MDGA2: variants seen among roughly 807,000 people sequenced by gnomAD.
MDGA2 encodes MAM domain containing glycosylphosphatidylinositol anchor 2.
A neutral mutation model predicts 117.8 loss-of-function variants in MDGA2; 40 were observed. The observed-to-expected ratio is 0.34, with a 90% confidence interval of 0.26 to 0.44. The LOEUF is 0.44. Among genes scored for constraint, MDGA2 ranks in the 20% least tolerant of loss-of-function variants. The pLI is 1.00. For synonymous variants in MDGA2, 452 were observed against 439.0 expected (o/e 1.03, Z -0.37); for missense variants, 1,123 against 1,250.6 (o/e 0.90, Z 1.54).
intron 1 of MDGA2, among the ~76,000 whole-genome samples, chr14:47,645,653 AT>A (rs1229842663): frequency 6.6e-6 from 1 of 152,112 alleles, no homozygotes; most frequent in Non-Finnish European, 1.5e-5. Flanking sequence ...ATTATTATAC[AT>A]TTTTTTAAGA....
At position 47,119,211 on chromosome 14, in the gene MDGA2, A is replaced by G. The variant is rs929344046; in HGVS notation, c.925+12503T>C. ...CCACCCCGTAGCTGGGACTACAGGCACCCGCCACCACACCCGGGTAATTTT... is the reference window on the plus strand; with the variant it reads ...CCACCCCGTAGCTGGGACTACAGGCGCCCGCCACCACACCCGGGTAATTTT... On this transcript the variant is annotated intron_variant, in intron 5 of 16. Transcript: ENST00000399232. Among the ~76,000 whole-genome samples, 99 of 91,346 alleles carry G rather than the reference A, an allele frequency of 1.1e-3. 2 individuals carry two copies. The highest frequency in any genetic ancestry group is 4.9e-3 in the Admixed American group (32 of 6,516). The allele number at this position is 91,346 out of a possible 152,430, so 59.9% of individuals were successfully genotyped here.
At chr14:47,596,284 T>C (rs1168151093) in intron 1 of MDGA2, among the ~76,000 whole-genome samples, 3 of 152,146 alleles carry the variant, frequency 2.0e-5, no homozygotes, top group African/African-American at 7.2e-5. Flanking sequence ...AGTCAAGAAG[T>C]AGGACTTTCA....
chr14:47,516,286 T>G (rs550127939), intron 1 of MDGA2, among the ~76,000 whole-genome samples: 10 of 152,100 alleles, frequency 6.6e-5, no homozygotes, highest in African/African-American at 2.4e-4. Context: ...TCATAAGGAG[T>G]GTTGTAAAAT....
intron 3 of MDGA2, among the ~76,000 whole-genome samples, chr14:47,183,386 A>G (rs1049929479): frequency 6.6e-6 from 1 of 152,044 alleles, no homozygotes; most frequent in African/African-American, 2.4e-5. Context: ...CATTCATCAC[A>G]TTATAGCGAG....
chr14:47,329,942 T>C (rs897302503), intron 1 of MDGA2, among the ~76,000 whole-genome samples: 2 of 151,928 alleles, frequency 1.3e-5, no homozygotes, highest in South Asian at 2.1e-4. Flanking sequence ...CCTCTATATT[T>C]AGAAAGAGAG....
chr14:46,882,768 A>G (rs1416770700), intron 10 of MDGA2, among the ~76,000 whole-genome samples: 3 of 151,864 alleles, frequency 2.0e-5, no homozygotes, highest in African/African-American at 7.2e-5. Flanking sequence ...AATCACAAGG[A>G]GATTGAAAGT....
chr14:47,620,715 T>A (rs1897033779), intron 1 of MDGA2, among the ~76,000 whole-genome samples: 1 of 152,152 alleles, frequency 6.6e-6, no homozygotes, highest in African/African-American at 2.4e-5. Context: ...AAATACAGTA[T>A]AAAGCTTTGA....
chr14:46,962,417 T>G (rs1210949582), intron 8 of MDGA2, among the ~76,000 whole-genome samples: 4 of 152,114 alleles, frequency 2.6e-5, no homozygotes, highest in African/African-American at 9.7e-5. Flanking sequence ...TGGGAGACAG[T>G]TCTACCAACA....
intron 1 of MDGA2, among the ~76,000 whole-genome samples, chr14:47,631,351 C>A (rs1454701665): frequency 6.6e-6 from 1 of 152,184 alleles, no homozygotes; most frequent in East Asian, 1.9e-4. Context: ...ATTTTTGAAT[C>A]TTCTCTTCCC....
chr14:47,545,953 C>A (rs970221543), intron 1 of MDGA2, among the ~76,000 whole-genome samples: 1 of 152,074 alleles, frequency 6.6e-6, no homozygotes, highest in African/African-American at 2.4e-5. Context: ...CAGTGCTGTG[C>A]TAAGCACTTT....
intron 1 of MDGA2, among the ~76,000 whole-genome samples, chr14:47,311,164 G>A (rs1358309797): frequency 6.6e-6 from 1 of 151,892 alleles, no homozygotes; most frequent in East Asian, 1.9e-4. Flanking sequence ...TAAAATTAAG[G>A]GCTCTTCAGT....
At chr14:47,353,652 A>T (rs1479767920) in intron 1 of MDGA2, among the ~76,000 whole-genome samples, 2 of 152,196 alleles carry the variant, frequency 1.3e-5, no homozygotes. Context: ...ACAACAACAA[A>T]AGAAACCGTA....
chr14:47,498,542 T>C (rs1243561107), intron 1 of MDGA2, among the ~76,000 whole-genome samples: 1 of 152,168 alleles, frequency 6.6e-6, no homozygotes, highest in African/African-American at 2.4e-5. Context: ...CCCATCATTA[T>C]AGGTACAAGA....
intron 1 of MDGA2, among the ~76,000 whole-genome samples, chr14:47,482,535 G>A (rs535758141): frequency 1.3e-5 from 2 of 152,120 alleles, no homozygotes; most frequent in African/African-American, 4.8e-5. Flanking sequence ...TTCTGACTCT[G>A]AAAAATGCAG....
chr14:47,252,911 A>T (rs1016977836), intron 2 of MDGA2, among the ~76,000 whole-genome samples: 10 of 152,286 alleles, frequency 6.6e-5, no homozygotes, highest in African/African-American at 1.9e-4. Flanking sequence ...GGCCTCAGGA[A>T]ATTTAACAAT....
chr14:46,999,243 AT>A (rs1399726356), intron 8 of MDGA2, among the ~76,000 whole-genome samples: 1 of 151,994 alleles, frequency 6.6e-6, no homozygotes, highest in Non-Finnish European at 1.5e-5. Flanking sequence ...CAGTCCACCT[AT>A]TTTACAATAT....
At chr14:47,429,890 G>C (rs1892764207) in intron 1 of MDGA2, among the ~76,000 whole-genome samples, 1 of 150,828 alleles carries the variant, frequency 6.6e-6, no homozygotes, top group African/African-American at 2.4e-5. Flanking sequence ...GGGAAACAAG[G>C]AGTGGGGGGA....
intron 3 of MDGA2, among the ~76,000 whole-genome samples, chr14:47,202,999 TCATGTTCAA>T (rs1231699479): frequency 1.3e-5 from 2 of 152,136 alleles, no homozygotes; most frequent in East Asian, 3.9e-4. Flanking sequence ...TTTCCAATTC[TCATGTTCAA>T]TTTGAAGCTA....
intron 15 of MDGA2, among the ~76,000 whole-genome samples, chr14:46,847,563 G>A (rs1410859109): frequency 6.6e-6 from 1 of 151,932 alleles, no homozygotes; most frequent in African/African-American, 2.4e-5. Context: ...GCTTTAAAAA[G>A]TCTCAGAAGA....
Sources: allele counts gnomAD v4.1 joint callset (sites outside exome capture counted in the v4.1 genomes callset), GRCh38; gene constraint gnomAD v4.1.1; transcripts MANE v1.5; gene names NCBI Gene and HGNC (gene_info 2026-07-23, HGNC 2026-07-21).